Variants in DAPK1 observed in about 807,000 individuals in gnomAD.
DAPK1 encodes the protein death associated protein kinase 1, also known as death-associated protein kinase 1.
A neutral mutation model predicts 144.9 loss-of-function variants in DAPK1; 56 were observed. The ratio of observed to expected loss-of-function variants is 0.39; its 90% CI spans 0.31 to 0.48. The LOEUF is 0.48. DAPK1 is among the 20% of genes least tolerant of loss of function. DAPK1 has a pLI of 0.95. For missense variants in DAPK1, 1,454 were observed against 1,875.4 expected (o/e 0.78, Z 4.15); for synonymous variants, 690 against 749.0 (o/e 0.92, Z 1.29).
chr9:87,521,513 A>T (rs1196178850), intron 2 of DAPK1, among the ~76,000 whole-genome samples: 1 of 152,186 alleles, frequency 6.6e-6, no homozygotes, highest in Non-Finnish European at 1.5e-5. Flanking sequence ...GTGGGCATTG[A>T]AGAATCACAG....
chr9:87,697,141 C>A lies in DAPK1; in HGVS notation c.2548C>A (p.Leu850Met). The change falls in exon 22 of 26, where the codon CTG becomes ATG. Residue 850 changes from leucine to methionine, a missense_variant. This residue lies in a region of DAPK1 where 1,025 missense variants were observed against 1,237.9 expected (regional missense o/e 0.83). Transcript: ENST00000408954. ...TCTAGAAGAGCCCTATGAGATCCAG[C>A]TGAACCAAGTGATTTTCTGGCTCAG... ...FSLEEPYEIQ[L>M]NQVIFWLSFL... is the part of the protein sequence containing the mutation. 1 of 1,582,190 alleles carries A rather than the reference C, an allele frequency of 6.3e-7. No individual in the cohort carries two copies. Among genetic ancestry groups the A allele is most frequent in the Non-Finnish European group, 8.7e-7 (1 of 1,150,768 alleles).
intron 3 of DAPK1, among the ~76,000 whole-genome samples, chr9:87,634,872 A>G (rs1861830): frequency 0.61 from 93,085 of 151,946 alleles, 29,974 homozygotes; most frequent in African/African-American, 0.82. Flanking sequence ...ACGCCAAAGA[A>G]CCTGCTGCAC....
intron 3 of DAPK1, among the ~76,000 whole-genome samples, chr9:87,624,237 G>A (rs1421000): frequency 0.49 from 74,567 of 151,954 alleles, 19,410 homozygotes; most frequent in East Asian, 0.78. Context: ...ACTCAGAGGG[G>A]ACCCCCTTCC....
chr9:87,632,534 A>AGATGAGTATACATGTAGGGATGAAGGAG lies in DAPK1; in HGVS notation c.285-5371_285-5344dup, dbSNP rs1301635826. ...TGACAATATATATAGAAATGAAGGA[A>AGATGAGTATACATGTAGGGATGAAGGAG]GATGAGTATACATGTAGGGATGAAG... On this transcript the variant is annotated intron_variant, in intron 3 of 25. Transcript: ENST00000408954. 12 of 973,814 alleles carry AGATGAGTATACATGTAGGGATGAAGGAG rather than the reference A, an allele frequency of 1.2e-5. No homozygotes were observed. The African/African-American group carries it at 2.1e-4, about 17-fold the overall frequency. 60.3% of individuals were successfully genotyped at this position (973,814 alleles called of 1,614,324 possible). A position where few individuals can be genotyped will look rare whatever the true frequency, so the allele number is the denominator to read the frequency against.
chr9:87,658,065 G>A lies in DAPK1; in HGVS notation c.1861G>A (p.Gly621Arg), dbSNP rs766553100. 1.9e-5 allele frequency: 29 copies of A among 1,548,330 alleles called. No homozygotes were observed. The African/African-American group carries it at 2.2e-4, about 12-fold the overall frequency. ...RTPLHLAANN[G>R]ILDVVRYLCL... The stretch of plus-strand genomic sequence containing the variant: ...GCCTCTGCACCTTGCGGCCAACAAC[G>A]GAATCCTAGACGTGGTCCGGTATCT... The change falls in exon 18 of 26, where the codon GGA becomes AGA. Residue 621 changes from glycine to arginine, a missense_variant. Coordinates refer to ENST00000408954, the MANE Select transcript of DAPK1 (RefSeq NM_004938.4).
At chr9:87,635,149 GAA>G (rs1402721360) in intron 3 of DAPK1, among the ~76,000 whole-genome samples, 2 of 151,954 alleles carry the variant, frequency 1.3e-5, no homozygotes, top group Admixed American at 6.5e-5. Context: ...TGGGTCTGAA[GAA>G]AGCTTAGGTT....
At chr9:87,573,470 G>A (rs1827437216) in intron 2 of DAPK1, among the ~76,000 whole-genome samples, 1 of 152,226 alleles carries the variant, frequency 6.6e-6, no homozygotes, top group Non-Finnish European at 1.5e-5. Flanking sequence ...GGGAGAAGGA[G>A]CAGAGAGGGA....
intron 2 of DAPK1, among the ~76,000 whole-genome samples, chr9:87,528,091 A>G (rs932005946): frequency 1.3e-5 from 2 of 152,260 alleles, no homozygotes; most frequent in African/African-American, 4.8e-5. Flanking sequence ...ATGTACTGTG[A>G]GAGAGCAGCA....
At chr9:87,552,306 G>A (rs1448653732) in intron 2 of DAPK1, among the ~76,000 whole-genome samples, 1 of 127,614 alleles carries the variant, frequency 7.8e-6, no homozygotes, top group Non-Finnish European at 1.8e-5. Context: ...TCCCAACCCC[G>A]CTGACCCCAT....
chr9:87,584,664 T>TTTTGTGTGTGTGTG (rs146308495), intron 2 of DAPK1, among the ~76,000 whole-genome samples: 3 of 140,406 alleles, frequency 2.1e-5, no homozygotes, highest in African/African-American at 7.4e-5. Flanking sequence ...TGATAGCTCA[T>TTTTGTGTGTGTGTG]TGTGTGTGTG....
chr9:87,632,648 A>G (rs1441689532), intron 3 of DAPK1: 1 of 982,646 alleles, frequency 1.0e-6, no homozygotes, highest in African/African-American at 1.8e-5. Context: ...ATGAAGGAGG[A>G]TGAGTACCTG....
rs36232605 is a variant in DAPK1, at chr9:87,556,088, T to G, written c.63-48866T>G. Among the ~76,000 whole-genome samples the G allele has an allele frequency of 1.5e-3, 225 of 152,298 alleles. 6 individuals carry two copies. The East Asian group carries it at 0.038, about 26-fold the overall frequency. On this transcript the variant is annotated intron_variant, in intron 2 of 25. Coordinates refer to ENST00000408954, the MANE Select transcript of DAPK1 (RefSeq NM_004938.4). ...GCCCGGGGCATATGAAGAACTGTTT[T>G]TTTGTATTCTAATCTCCGTCACCGA...
Position 87,651,739 on chromosome 9 carries a change from C to T in DAPK1, c.1824+15C>T, listed in dbSNP as rs562102353. 1 of 1,611,418 alleles carries T rather than the reference C, an allele frequency of 6.2e-7. No homozygotes were observed. Among genetic ancestry groups the T allele is most frequent in the African/African-American group, 1.3e-5 (1 of 74,838 alleles). ...TCTCCAACAAGGTATGCACAGAGAA[C>T]AGGATCCCTACAGCTTCCAACTGTG... On this transcript the variant is annotated intron_variant, in intron 17 of 25. Coordinates refer to ENST00000408954, the MANE Select transcript of DAPK1 (RefSeq NM_004938.4).
In DAPK1 at chr9:87,551,084, A is replaced by G. The variant is rs1826465998; in HGVS notation, c.62+51945A>G. 2.0e-5 allele frequency among the ~76,000 whole-genome samples: 3 copies of G among 151,988 alleles called. No individual in the cohort carries two copies. The South Asian group carries it at 6.2e-4, about 32-fold the overall frequency. On this transcript the variant is annotated intron_variant, in intron 2 of 25. Coordinates refer to ENST00000408954, the MANE Select transcript of DAPK1 (RefSeq NM_004938.4). ...CCAGTGCTGCTTCAGTCTGGTGGAGACAGTAGCTACAAACCACAGATCCTG... is the reference window on the plus strand; with the variant it reads ...CCAGTGCTGCTTCAGTCTGGTGGAGGCAGTAGCTACAAACCACAGATCCTG...
chr9:87,593,105 A>G (rs1216047463), intron 2 of DAPK1, among the ~76,000 whole-genome samples: 1 of 152,152 alleles, frequency 6.6e-6, no homozygotes, highest in East Asian at 1.9e-4. Context: ...GACACGGAAG[A>G]CCCCAAAGAA....
At chr9:87,505,365 C>G (rs551030769) in intron 2 of DAPK1, among the ~76,000 whole-genome samples, 52 of 152,254 alleles carry the variant, frequency 3.4e-4, no homozygotes, top group Admixed American at 1.6e-3. Context: ...AGCTCAGGGA[C>G]TTTGTTTGTT....
At chr9:87,632,849 T>C (rs966652419) in intron 3 of DAPK1, 1 of 969,726 alleles carries the variant, frequency 1.0e-6, no homozygotes. Context: ...GGATGATGAG[T>C]ACCTATGTAA....
intron 20 of DAPK1, among the ~76,000 whole-genome samples, chr9:87,683,244 G>A (rs1288338252): frequency 6.6e-6 from 1 of 151,864 alleles, no homozygotes; most frequent in African/African-American, 2.4e-5. Flanking sequence ...CACCACACCA[G>A]GCTAACTTTT....
At chr9:87,554,237 T>G (rs1826616125) in intron 2 of DAPK1, 1 of 152,238 alleles carries the variant, frequency 6.6e-6, no homozygotes, top group Non-Finnish European at 1.5e-5. Context: ...TTGCCATTAG[T>G]AATCTCTTAA....
Sources: allele counts gnomAD v4.1 joint callset (sites outside exome capture counted in the v4.1 genomes callset), GRCh38; gene constraint gnomAD v4.1.1; regional missense constraint gnomAD v4.1.1; transcripts MANE v1.5; gene names NCBI Gene and HGNC (gene_info 2026-07-23, HGNC 2026-07-21).